Variants in MPI observed in about 807,000 individuals in gnomAD.
MPI encodes the protein mannose phosphate isomerase, also known as mannose-6-phosphate isomerase.
In MPI, 33 loss-of-function variants were observed where a neutral mutation model predicts 40.1. That is an observed-to-expected ratio of 0.82 (90% confidence interval 0.62 to 1.10). The LOEUF is 1.10. Among genes scored for constraint, MPI ranks in the 50% least tolerant of loss-of-function variants. The pLI, the probability that MPI is intolerant of heterozygous loss-of-function variation, is 0.00. For synonymous variants in MPI, 187 were observed against 207.4 expected, an observed-to-expected ratio of 0.90 and a Z score of 0.85; for missense variants, 514 against 524.1, an observed-to-expected ratio of 0.98 and a Z score of 0.19.
chr15:74,893,676 G>A (rs944470664), intron 5 of MPI: 3 of 577,914 alleles, frequency 5.2e-6, no homozygotes, highest in African/African-American at 1.9e-5. Flanking sequence ...AAGGGGACAC[G>A]AGCATCCTCC....
Position 74,893,139 on chromosome 15 carries a change from G to T in MPI, c.489G>T (p.Lys163Asn). 1 of 1,613,902 alleles carries T rather than the reference G, an allele frequency of 6.2e-7. No homozygotes were observed. Among genetic ancestry groups the T allele is most frequent in the East Asian group, 2.2e-5 (1 of 44,890 alleles). Residue 163 changes from lysine (K) to asparagine (N), a missense_variant and splice_region_variant, in exon 5 of 8, where the codon AAG becomes AAT. Coordinates refer to ENST00000352410, the MANE Select transcript of MPI (RefSeq NM_002435.3). Reference protein sequence around the residue: ...PVEEIVTFLKKVPEFQFLIGD... With the variant: ...PVEEIVTFLKNVPEFQFLIGD... ...GCCCTGGGCCTTGCCTTCCTGTAGA[G>T]GTGCCTGAGTTTCAGTTCCTGATTG...
At chr15:74,895,017 A>G in intron 5 of MPI, among the ~76,000 whole-genome samples, 1 of 144,752 alleles carries the variant, frequency 6.9e-6, no homozygotes, top group Non-Finnish European at 1.5e-5. Context: ...CCCAGGCTGG[A>G]GTGCAGTGGT....
At chr15:74,892,568 G>A in intron 3 of MPI, 93 bp from the exon 4 acceptor site, 1 of 1,558,346 alleles carries the variant, frequency 6.4e-7, no homozygotes, top group South Asian at 1.1e-5. Context: ...TGCAACTGGG[G>A]AGGGTGGACA....
Position 74,893,008 on chromosome 15 carries a change from C to T in MPI, c.488-130C>T, listed in dbSNP as rs1415249398. 13 of 1,367,532 alleles carry T rather than the reference C, an allele frequency of 9.5e-6. No homozygotes were observed. In the South Asian group the frequency reaches 9.6e-5, roughly 10 times the overall value. The allele number at this position is 1,367,532 out of a possible 1,614,324, so 84.7% of individuals were successfully genotyped here. On this transcript the variant is annotated intron_variant, in intron 4 of 7. Transcript: ENST00000352410. ...GCTGGTGGTGAGTGATTGGTTTCCACTGCAAAGTTTACTTAGCATTGCCGG... is the reference window on the plus strand; with the variant it reads ...GCTGGTGGTGAGTGATTGGTTTCCATTGCAAAGTTTACTTAGCATTGCCGG...
chr15:74,891,996 C>CT (rs796229708), intron 3 of MPI, among the ~76,000 whole-genome samples: 292 of 146,396 alleles, frequency 2.0e-3, no homozygotes, highest in East Asian at 2.8e-3. Flanking sequence ...ATCAAAACTC[C>CT]TTTTTTTTTT....
At chr15:74,893,635 T>C in intron 5 of MPI, 1 of 594,726 alleles carries the variant, frequency 1.7e-6, no homozygotes, top group Non-Finnish European at 3.0e-6. Flanking sequence ...CCTCCATGGA[T>C]GGACTTGTAT....
In MPI at chr15:74,897,603, C is replaced by A. The variant is rs776426975; in HGVS notation, c.1145C>A (p.Pro382His). ...CAGGGGACAGTAATAGCCAGCACACCCACAACCCAGACACCAATCCCTCTG... is the reference window on the plus strand; with the variant it reads ...CAGGGGACAGTAATAGCCAGCACACACACAACCCAGACACCAATCCCTCTG... The part of the protein sequence containing the change: ...MVQGTVIAST[P>H]TTQTPIPLQR... The change falls in exon 8 of 8, where the codon CCC (proline) becomes CAC (histidine). Residue 382 changes from proline to histidine, a missense_variant. Coordinates refer to ENST00000352410, the MANE Select transcript of MPI (RefSeq NM_002435.3). 3.1e-6 allele frequency: 5 copies of A among 1,614,080 alleles called. No homozygotes were observed. In the African/African-American group the frequency reaches 4.0e-5, roughly 13 times the overall value.
In MPI at chr15:74,892,681, C is replaced by T. The variant is rs1430115009; in HGVS notation, c.366C>T (p.His122=). 9 of 1,614,120 alleles carry T rather than the reference C, an allele frequency of 5.6e-6. No individual in the cohort carries two copies. Among genetic ancestry groups the T allele is most frequent in the Admixed American group, 5.0e-5 (3 of 60,014 alleles). ...HPNKELAEKL[H]LQAPQHYPDA... Reference sequence around the variant, plus strand: ...CACAGGAGCTGGCAGAGAAGCTGCACCTCCAGGCTCCGCAGCACTACCCCG... The same window carrying T: ...CACAGGAGCTGGCAGAGAAGCTGCATCTCCAGGCTCCGCAGCACTACCCCG... Residue 122 remains histidine, a synonymous_variant, in exon 4 of 8, where the codon CAC becomes CAT. Coordinates refer to ENST00000352410, the MANE Select transcript of MPI (RefSeq NM_002435.3).
chr15:74,897,197 A>G lies in MPI; in HGVS notation c.1031A>G (p.Asp344Gly). 6.2e-7 allele frequency: 1 copy of G among 1,614,160 alleles called. No individual in the cohort carries two copies. The highest frequency in any genetic ancestry group is 8.5e-7 in the Non-Finnish European group (1 of 1,180,006). ...TCAATCTATGACCCCCCTGTACCAG[A>G]CTTCACCATTATGAAGACGGAGGTG... ...YLSIYDPPVP[D>G]FTIMKTEVPG... is the part of the protein sequence containing the mutation. The change falls in exon 7 of 8, where the codon GAC becomes GGC. Residue 344 changes from aspartate (D) to glycine (G), a missense_variant. By Grantham distance (94) the Asp-to-Gly change is moderately conservative. Transcript: ENST00000352410.
Position 74,900,211 on chromosome 15 carries a change from A to G in MPI, c.*2481A>G, listed in dbSNP as rs1265117668. On this transcript the variant is annotated 3_prime_UTR_variant, in exon 8 of 8. Transcript: ENST00000352410. Reference sequence around the variant, plus strand: ...ATTGGTGGTATTTTGGTATGTGGCCACTGGCCCTAAACAACTGACCATTTC... The same window carrying G: ...ATTGGTGGTATTTTGGTATGTGGCCGCTGGCCCTAAACAACTGACCATTTC... 3 of 152,264 alleles carry G rather than the reference A, an allele frequency of 2.0e-5. No homozygotes were observed. Among genetic ancestry groups the G allele is most frequent in the Admixed American group, 2.0e-4 (3 of 15,274 alleles). 9.4% of individuals were successfully genotyped at this position (152,264 alleles called of 1,614,324 possible). A position where few individuals can be genotyped will look rare whatever the true frequency, so the allele number is the denominator to read the frequency against.
chr15:74,891,273 A>G (rs2064721958), intron 2 of MPI, 106 bp from the exon 3 acceptor site: 4 of 1,067,534 alleles, frequency 3.7e-6, no homozygotes, highest in Admixed American at 3.4e-5. Context: ...GGCCTTTCCC[A>G]GGACTCAGTT....
At chr15:74,894,786 C>T (rs940580459) in intron 5 of MPI, among the ~76,000 whole-genome samples, 3 of 142,208 alleles carry the variant, frequency 2.1e-5, no homozygotes, top group African/African-American at 7.8e-5. Context: ...GACTCCGATT[C>T]GGAAAAAAAA....
intron 2 of MPI, 66 bp downstream of exon 2, chr15:74,890,720 C>A: frequency 1.2e-6 from 2 of 1,603,232 alleles, no homozygotes; most frequent in South Asian, 1.1e-5. Flanking sequence ...TGAGGCAAGT[C>A]ATAAGAATCA....
intron 6 of MPI, 74 bp downstream of exon 6, chr15:74,896,399 G>A: frequency 1.3e-6 from 2 of 1,573,988 alleles, no homozygotes; most frequent in Non-Finnish European, 1.7e-6. Context: ...ACAAAGGAAG[G>A]AGAAGGGTGG....
chr15:74,897,049 C>G lies in MPI; in HGVS notation c.883C>G (p.Arg295Gly). Residue 295 changes from arginine (R) to glycine (G), a missense_variant, in exon 7 of 8, where the codon CGT becomes GGT. Arg to Gly is a moderately radical substitution (Grantham distance 125). Transcript: ENST00000352410. ...ECMACSDNTV[R>G]AGLTPKFIDV... ...CATGGCGTGTTCAGACAACACAGTT[C>G]GTGCTGGCCTGACACCCAAGTTCAT... The G allele has an allele frequency of 1.2e-6, 2 of 1,614,138 alleles. No individual in the cohort carries two copies. The highest frequency in any genetic ancestry group is 1.7e-6 in the Non-Finnish European group (2 of 1,180,014).
rs1483215514 is a variant in MPI, at chr15:74,899,333, A to G, written c.*1603A>G. 5 of 152,176 alleles carry G rather than the reference A, an allele frequency of 3.3e-5. No homozygotes were observed. The highest frequency in any genetic ancestry group is 1.2e-4 in the African/African-American group (5 of 41,456). The allele number at this position is 152,176 out of a possible 1,614,324, so 9.4% of individuals were successfully genotyped here. On this transcript the variant is annotated 3_prime_UTR_variant, in exon 8 of 8. Coordinates refer to ENST00000352410, the MANE Select transcript of MPI (RefSeq NM_002435.3). ...CTTTCTGGGCTTCTGCCCACACTAG[A>G]GTCCCTATACAATGGAGTTCCAGGA...
chr15:74,890,801 T>C, intron 2 of MPI, 147 bp downstream of exon 2: 1 of 1,065,958 alleles, frequency 9.4e-7, no homozygotes, highest in Non-Finnish European at 1.4e-6. Context: ...CTAGATAGTG[T>C]TATCAAAAAG....
At chr15:74,896,794 A>G in intron 6 of MPI, 1 of 644,214 alleles carries the variant, frequency 1.6e-6, no homozygotes, top group Non-Finnish European at 2.8e-6. Context: ...GGGCTCCCCA[A>G]CCCCCAGGGG....
Position 74,897,637 on chromosome 15 carries a change from TGGC to T in MPI, c.1181_1183del (p.Gly394del). On this transcript the variant is annotated inframe_deletion, in exon 8 of 8. Coordinates refer to ENST00000352410, the MANE Select transcript of MPI (RefSeq NM_002435.3). ...AGACACCAATCCCTCTGCAACGTGG[TGGC>T]GTGCTCTTCATTGGGGCCAATGAGA... is the stretch of plus-strand genomic sequence containing the variant. The T allele has an allele frequency of 6.2e-7, 1 of 1,614,158 alleles. No individual in the cohort carries two copies. The highest frequency in any genetic ancestry group is 8.5e-7 in the Non-Finnish European group (1 of 1,180,022).
Sources: allele counts gnomAD v4.1 joint callset (sites outside exome capture counted in the v4.1 genomes callset), GRCh38; gene constraint gnomAD v4.1.1; transcripts MANE v1.5; gene names NCBI Gene and HGNC (gene_info 2026-07-23, HGNC 2026-07-21).